The following LAMA5 variants were observed in gnomAD, a reference collection of about 807,000 sequenced individuals.
The protein encoded by LAMA5 is laminin subunit alpha 5.
A neutral mutation model predicts 433.4 loss-of-function variants in LAMA5; 260 were observed. That is an observed-to-expected ratio of 0.60 (90% CI 0.54 to 0.66). The LOEUF (loss-of-function observed/expected upper bound fraction) is 0.66, where lower values mean the gene tolerates loss of function less well. Ranked by LOEUF, LAMA5 falls within the 30% of genes least tolerant of loss-of-function variation. The pLI, the probability that LAMA5 is intolerant of heterozygous loss-of-function variation, is 0.00. For synonymous variants in LAMA5, 2,620 were observed against 2,226.6 expected, an observed-to-expected ratio of 1.18 and a Z score of -4.97; for missense variants, 5,378 against 5,258.5, an observed-to-expected ratio of 1.02 and a Z score of -0.70.
intron 1 of LAMA5, among the ~76,000 whole-genome samples, chr20:62,363,721 T>TG (rs1568993558): frequency 6.6e-6 from 1 of 151,980 alleles, no homozygotes; most frequent in Non-Finnish European, 1.5e-5. Flanking sequence ...CAGCCTCCCT[T>TG]GGGGGGCCAG....
At chr20:62,312,076 G>C in intron 69 of LAMA5, 26 bp from the exon 70 acceptor site, 2 of 1,609,960 alleles carry the variant, frequency 1.2e-6, no homozygotes, top group Admixed American at 3.3e-5. Flanking sequence ...AGGTCAGCCG[G>C]CCGGCCTGGG....
chr20:62,323,307 T>C (rs534173199), intron 45 of LAMA5, 149 bp downstream of exon 45: 230 of 688,142 alleles, frequency 3.3e-4, no homozygotes, highest in Admixed American at 7.6e-4. Context: ...GGAGAAAGGG[T>C]TGACCATGAA....
intron 1 of LAMA5, among the ~76,000 whole-genome samples, chr20:62,365,689 G>A (rs1355288849): frequency 1.3e-5 from 2 of 152,158 alleles, no homozygotes; most frequent in Admixed American, 6.5e-5. Flanking sequence ...GCAGCCAGGA[G>A]GCACCCAGGT....
At position 62,358,153 on chromosome 20, in the gene LAMA5, G is replaced by A. The variant is rs138059570; in HGVS notation, c.450+4247C>T. 4.6e-3 allele frequency among the ~76,000 whole-genome samples: 693 copies of A among 152,254 alleles called. 5 individuals are homozygous for A. Among genetic ancestry groups the A allele is most frequent in the Non-Finnish European group, 7.5e-3 (510 of 68,004 alleles). ...TGTGCCCTGAGTGCCAGGTCTGGCCGTGCAGCCACCAAGGGCAAGCATGGC... is the reference window on the plus strand; with the variant it reads ...TGTGCCCTGAGTGCCAGGTCTGGCCATGCAGCCACCAAGGGCAAGCATGGC... On this transcript the variant is annotated intron_variant, in intron 2 of 79. Transcript: ENST00000252999.
At position 62,324,927 on chromosome 20, in the gene LAMA5, C is replaced by G. The variant is rs187068322; in HGVS notation, c.5530-373G>C. 6 of 379,768 alleles carry G rather than the reference C, an allele frequency of 1.6e-5. No individual in the cohort carries two copies. The highest frequency in any genetic ancestry group is 2.4e-5 in the Non-Finnish European group (5 of 204,610). The allele number at this position is 379,768 out of a possible 1,614,324, so 23.5% of individuals were successfully genotyped here. On this transcript the variant is annotated intron_variant, in intron 41 of 79. Transcript: ENST00000252999. The surrounding 1 kb of genome is among the most constrained non-coding windows in gnomAD (Gnocchi z 4.4). ...AAGGAGCAAAGTTACAGCAGACAGA[C>G]AGATTAGCAGGGCAGATTAGCAGCT...
At chr20:62,345,399 A>G (rs1983209944) in intron 11 of LAMA5, 1 of 255,634 alleles carries the variant, frequency 3.9e-6, no homozygotes, top group Non-Finnish European at 7.8e-6. Flanking sequence ...ATATGTATAC[A>G]TGTGCCATGC....
Position 62,330,732 on chromosome 20 carries a change from A to G in LAMA5, c.3852+11T>C, listed in dbSNP as rs2146186403. The G allele has an allele frequency of 1.3e-6, 2 of 1,557,824 alleles. No individual in the cohort carries two copies. Among genetic ancestry groups the G allele is most frequent in the Non-Finnish European group, 1.7e-6 (2 of 1,151,376 alleles). On this transcript the variant is annotated intron_variant, in intron 30 of 79. Coordinates refer to ENST00000252999, the MANE Select transcript of LAMA5 (RefSeq NM_005560.6). ...TGACACCCCCGTCCCTCTAGAGACT[A>G]TGGCCCTCACCTGGGGCTCACGCAG...
At chr20:62,321,267 G>A (rs1987699993) in intron 48 of LAMA5, among the ~76,000 whole-genome samples, 1 of 103,082 alleles carries the variant, frequency 9.7e-6, no homozygotes, top group East Asian at 2.7e-4. Context: ...TGGAGGCAGG[G>A]TCAGTGAAGG....
intron 61 of LAMA5, 32 bp from the exon 62 acceptor site, chr20:62,314,472 G>A: frequency 1.2e-6 from 2 of 1,611,886 alleles, no homozygotes; most frequent in South Asian, 2.2e-5. Context: ...AGTCGGGATG[G>A]GGACCGGGGA....
intron 46 of LAMA5, 24 bp downstream of exon 46, chr20:62,322,634 G>GC: frequency 1.4e-6 from 1 of 721,648 alleles, no homozygotes; most frequent in South Asian, 1.5e-5. Flanking sequence ...CACCCACCCA[G>GC]CCCTGCTTAC....
Position 62,323,840 on chromosome 20 carries a change from C to A in LAMA5, c.5785G>T (p.Val1929Phe), listed in dbSNP as rs1459761397. The change falls in exon 44 of 80, where the codon GTC (valine) becomes TTC (phenylalanine). Residue 1929 changes from valine (V) to phenylalanine (F), a missense_variant. Coordinates refer to ENST00000252999, the MANE Select transcript of LAMA5 (RefSeq NM_005560.6). ...CACTGGGTGCGGCCGCCTCGCAGGA[C>A]ACAGCCCTCGGCGAAGCTGCAAAGA... ...VPSNNFAEGC[V>F]LRGGRTQCLC... 6.2e-7 allele frequency: 1 copy of A among 1,608,896 alleles called. No homozygotes were observed. The highest frequency in any genetic ancestry group is 1.7e-5 in the Admixed American group (1 of 59,778).
intron 9 of LAMA5, 145 bp from the exon 10 acceptor site, chr20:62,346,360 G>T: frequency 7.4e-7 from 1 of 1,359,718 alleles, no homozygotes; most frequent in Admixed American, 2.2e-5. Flanking sequence ...GAGGGCTGGG[G>T]ACCCGCCCCG....
intron 17 of LAMA5, 29 bp from the exon 18 acceptor site, chr20:62,336,474 G>A (rs778575989): frequency 2.5e-5 from 39 of 1,574,186 alleles, no homozygotes; most frequent in Admixed American, 1.2e-4. Flanking sequence ...GCAGGTCAGA[G>A]CGGGCGCCCT....
rs139478345 is a variant in LAMA5 at position 62,362,421 on chromosome 20, G to A, written c.429C>T (p.Asn143=). The A allele has an allele frequency of 5.3e-4, 831 of 1,568,726 alleles. 2 individuals carry two copies. The highest frequency in any genetic ancestry group is 7.0e-4 in the Non-Finnish European group (806 of 1,152,248). The change falls in exon 2 of 80, where the codon AAC becomes AAT. Residue 143 remains asparagine (N), a synonymous_variant. Coordinates refer to ENST00000252999, the MANE Select transcript of LAMA5 (RefSeq NM_005560.6). ...CTACCTGGCCCAGGTCCAGGGTGAC[G>A]TTGACCTCGTTGTACTCCAGGCCGC... The part of the protein sequence containing the change: ...LSRGLEYNEV[N]VTLDLGQVFH...
At chr20:62,311,816 T>TGGGGCCCCCC in intron 70 of LAMA5, 32 bp from the exon 71 acceptor site, 11 of 1,520,968 alleles carry the variant, frequency 7.2e-6, no homozygotes, top group Non-Finnish European at 9.8e-6. Flanking sequence ...GCTCGGTTTT[T>TGGGGCCCCCC]CCCCACCCTG....
At chr20:62,365,803 G>C (rs6142741) in intron 1 of LAMA5, among the ~76,000 whole-genome samples, 1 of 152,164 alleles carries the variant, frequency 6.6e-6, no homozygotes, top group Non-Finnish European at 1.5e-5. Flanking sequence ...GTGGGCTTGA[G>C]ACCTCCTATC....
intron 11 of LAMA5, among the ~76,000 whole-genome samples, chr20:62,342,462 G>A (rs1007991970): frequency 6.6e-6 from 1 of 152,096 alleles, no homozygotes; most frequent in Non-Finnish European, 1.5e-5. Flanking sequence ...TGGATCATGA[G>A]GTCAGGAGAT....
chr20:62,330,724 TAG>T lies in LAMA5; in HGVS notation c.3852+17_3852+18del, dbSNP rs1177040883. ...TCCTGCCCTGACACCCCCGTCCCTC[TAG>T]AGACTATGGCCCTCACCTGGGGCTC... On this transcript the variant is annotated intron_variant, in intron 30 of 79. Coordinates refer to ENST00000252999, the MANE Select transcript of LAMA5 (RefSeq NM_005560.6). The T allele has an allele frequency of 1.8e-5, 28 of 1,556,680 alleles. No homozygotes were observed. The highest frequency in any genetic ancestry group is 2.3e-5 in the Non-Finnish European group (26 of 1,150,700).
At chr20:62,309,931 C>T (rs1986026070) in intron 78 of LAMA5, 57 bp downstream of exon 78, 8 of 1,605,638 alleles carry the variant, frequency 5.0e-6, no homozygotes, top group Non-Finnish European at 6.8e-6. Context: ...CCGCCTGGCT[C>T]CCGCTCTGCA....
Sources: gnomAD v4.1 joint callset for allele counts (sites outside exome capture counted in the v4.1 genomes callset) on GRCh38, gnomAD v4.1.1 for gene constraint, Gnocchi (gnomAD v3.1) non-coding constraint, MANE v1.5 for transcripts, NCBI Gene and HGNC (gene_info 2026-07-23, HGNC 2026-07-21) for gene names.